MLIP: variants seen among roughly 807,000 people sequenced by gnomAD.
The protein encoded by MLIP is muscular LMNA-interacting protein.
A neutral mutation model predicts 84.8 loss-of-function variants in MLIP; 79 were observed. That is an observed-to-expected ratio of 0.93 (90% CI 0.78 to 1.12). The LOEUF (loss-of-function observed/expected upper bound fraction) is 1.12, where lower values mean the gene tolerates loss of function less well. Among genes scored for constraint, MLIP ranks in the 50% most tolerant of loss-of-function variants. The pLI is 0.00. For synonymous variants in MLIP, 504 were observed against 463.0 expected (o/e 1.09, Z -1.14); for missense variants, 1,257 against 1,160.6 (o/e 1.08, Z -1.21).
chr6:54,225,050 G>A (rs767052719), intron 11 of MLIP, among the ~76,000 whole-genome samples: 17 of 152,102 alleles, frequency 1.1e-4, no homozygotes, highest in Non-Finnish European at 2.4e-4. Context: ...TGCTATAAAC[G>A]TGTGTGCAAG....
rs1283195927 is a variant in MLIP, at chr6:54,138,059, C to T, written c.1990C>T (p.His664Tyr). The change falls in exon 4 of 14, where the codon CAT becomes TAT. Residue 664 changes from histidine (H) to tyrosine (Y), a missense_variant. His to Tyr is a moderately conservative substitution (Grantham distance 83, BLOSUM62 2). Coordinates refer to ENST00000502396, the MANE Select transcript of MLIP (RefSeq NM_001281747.2). ...CAACTTGAGGTCCTCCTCTCTCCCT[C>T]ATGCCAATCTGCCCACCCTGGTGCC... ...LPNLRSSSLP[H>Y]ANLPTLVPQL... The T allele has an allele frequency of 2.0e-6, 3 of 1,536,174 alleles. No individual in the cohort carries two copies. Among genetic ancestry groups the T allele is most frequent in the Admixed American group, 2.0e-5 (1 of 51,002 alleles).
At chr6:54,115,599 T>A (rs1769845985) in intron 1 of MLIP, among the ~76,000 whole-genome samples, 1 of 152,116 alleles carries the variant, frequency 6.6e-6, no homozygotes, top group Non-Finnish European at 1.5e-5. Context: ...CATTGAGATA[T>A]AATACTGGGT....
intron 1 of MLIP, among the ~76,000 whole-genome samples, chr6:54,116,101 T>C (rs1388320935): frequency 6.6e-6 from 1 of 152,144 alleles, no homozygotes. Context: ...CTAGGGTTTC[T>C]CATGGGCACT....
intron 11 of MLIP, among the ~76,000 whole-genome samples, chr6:54,228,467 A>G (rs1562082994): frequency 6.6e-6 from 1 of 152,332 alleles, no homozygotes; most frequent in African/African-American, 2.4e-5. Flanking sequence ...AGTGCTGATA[A>G]GATTCTGCTC....
intron 1 of MLIP, among the ~76,000 whole-genome samples, chr6:54,019,611 G>A (rs562146332): frequency 1.3e-5 from 2 of 152,258 alleles, no homozygotes; most frequent in South Asian, 4.1e-4. Flanking sequence ...GATTAATATG[G>A]TGACTTACAT....
chr6:54,160,500 GT>G lies in MLIP; in HGVS notation c.2356-13del. The G allele has an allele frequency of 6.2e-7, 1 of 1,612,034 alleles. No homozygotes were observed. The highest frequency in any genetic ancestry group is 8.5e-7 in the Non-Finnish European group (1 of 1,178,848). On this transcript the variant is annotated splice_polypyrimidine_tract_variant and intron_variant, in intron 6 of 13. Transcript: ENST00000502396. Reference sequence around the variant, plus strand: ...AAACTTATTGCTAACCCAGTACCTGGTTTCAATTCTTCCAGCTCTATTTTCC... The same window carrying G: ...AAACTTATTGCTAACCCAGTACCTGGTTCAATTCTTCCAGCTCTATTTTCC...
chr6:54,233,245 G>A (rs1013936397), intron 12 of MLIP, among the ~76,000 whole-genome samples: 1 of 151,916 alleles, frequency 6.6e-6, no homozygotes, highest in Non-Finnish European at 1.5e-5. Flanking sequence ...TTGTTACATA[G>A]GTGTACATGT....
At chr6:54,162,803 T>A (rs1774784808) in intron 8 of MLIP, among the ~76,000 whole-genome samples, 1 of 151,982 alleles carries the variant, frequency 6.6e-6, no homozygotes, top group Admixed American at 6.6e-5. Flanking sequence ...TTGAAGCTGA[T>A]CAGAGATATT....
chr6:54,092,559 A>G (rs140653312), intron 1 of MLIP, among the ~76,000 whole-genome samples: 45 of 152,158 alleles, frequency 3.0e-4, no homozygotes, highest in African/African-American at 1.1e-3. Flanking sequence ...ATATATTTAA[A>G]TATAGGTATA....
At position 54,137,809 on chromosome 6, in the gene MLIP, C is replaced by T. The variant is rs1397157320; in HGVS notation, c.1740C>T (p.His580=). ...LRGPENPRNI[H]TYPSTLASSA... is the part of the protein sequence containing the mutation. ...GTCCAGAAAACCCCAGAAACATTCA[C>T]ACGTACCCTTCTACATTAGCCTCCT... is the stretch of plus-strand genomic sequence containing the variant. Residue 580 remains histidine, a synonymous_variant, in exon 4 of 14, where the codon CAC becomes CAT. Transcript: ENST00000502396. 2.6e-6 allele frequency: 4 copies of T among 1,536,116 alleles called. No individual in the cohort carries two copies. The East Asian group carries it at 7.3e-5, about 28-fold the overall frequency.
chr6:54,136,665 G>A (rs1180316671), intron 3 of MLIP, 50 bp from the exon 4 acceptor site: 6 of 1,371,894 alleles, frequency 4.4e-6, no homozygotes, highest in Middle Eastern at 1.9e-4. Flanking sequence ...TATTTTGATC[G>A]TTTCACAAAT....
intron 1 of MLIP, among the ~76,000 whole-genome samples, chr6:54,091,823 C>A (rs1226708847): frequency 6.6e-6 from 1 of 152,168 alleles, no homozygotes; most frequent in African/African-American, 2.4e-5. Context: ...TGTAAACTTT[C>A]AGCCCATTTA....
rs116457351 is a variant in MLIP at position 54,248,931 on chromosome 6, C to A, written c.2923-8377C>A. 3.0e-4 allele frequency among the ~76,000 whole-genome samples: 45 copies of A among 151,950 alleles called. 1 individual carries two copies. The highest frequency in any genetic ancestry group is 1.1e-3 in the African/African-American group (44 of 41,426). ...TATTATCAAGTGAATATATAATAAC[C>A]AAGGGAGTACACAAAAGAATGTAGT... On this transcript the variant is annotated intron_variant, in intron 12 of 13. Coordinates refer to ENST00000502396, the MANE Select transcript of MLIP (RefSeq NM_001281747.2).
intron 12 of MLIP, among the ~76,000 whole-genome samples, chr6:54,247,460 C>T (rs890507226): frequency 6.6e-6 from 1 of 152,032 alleles, no homozygotes; most frequent in Non-Finnish European, 1.5e-5. Flanking sequence ...CAATCTAAGA[C>T]CAAGTTAGAG....
chr6:54,218,746 C>T (rs1370339781), intron 11 of MLIP, among the ~76,000 whole-genome samples: 1 of 151,954 alleles, frequency 6.6e-6, no homozygotes, highest in Non-Finnish European at 1.5e-5. Flanking sequence ...GAAGTCCTGA[C>T]CTCAGGTGAT....
intron 9 of MLIP, among the ~76,000 whole-genome samples, chr6:54,175,040 CA>C (rs1776143816): frequency 1.3e-5 from 2 of 152,040 alleles, no homozygotes; most frequent in South Asian, 4.1e-4. Context: ...CCACCTTTGT[CA>C]AAAATGAGTT....
chr6:54,107,874 A>T (rs144648274), upstream of MLIP, among the ~76,000 whole-genome samples: 52 of 152,356 alleles, frequency 3.4e-4, no homozygotes, highest in Middle Eastern at 3.4e-3. Flanking sequence ...TGAGGCATAA[A>T]AACAGACAAA....
chr6:54,261,701 C>A lies in MLIP; in HGVS notation c.2977-4249C>A, dbSNP rs111425904. 29 of 985,132 alleles carry A rather than the reference C, an allele frequency of 2.9e-5. 1 individual carries two copies. In the African/African-American group the frequency reaches 4.2e-4, roughly 14 times the overall value. 61.0% of individuals were successfully genotyped at this position (985,132 alleles called of 1,614,324 possible). A position where few individuals can be genotyped will look rare whatever the true frequency, so the allele number is the denominator to read the frequency against. ...CATCCCATTCCTCTGACTTTATCCT[C>A]TGGATGAGAACATAGAAAAGAGAAA... On this transcript the variant is annotated intron_variant, in intron 13 of 13. Transcript: ENST00000502396.
At chr6:54,144,589 G>A (rs1375976932) in intron 4 of MLIP, among the ~76,000 whole-genome samples, 3 of 152,292 alleles carry the variant, frequency 2.0e-5, no homozygotes, top group East Asian at 3.9e-4. Flanking sequence ...GCACTCCTAT[G>A]AGAATCTAAT....
Sources: allele counts gnomAD v4.1 joint callset (sites outside exome capture counted in the v4.1 genomes callset), GRCh38; gene constraint gnomAD v4.1.1; transcripts MANE v1.5; gene names NCBI Gene and HGNC (gene_info 2026-07-23, HGNC 2026-07-21).